Variants in ARHGEF28 observed in about 807,000 individuals in gnomAD.
ARHGEF28 encodes the protein 190 kDa guanine nucleotide exchange factor.
Under a neutral mutation model 206.6 loss-of-function variants are expected in ARHGEF28, and 152 were observed. The ratio of observed to expected loss-of-function variants is 0.74; its 90% confidence interval spans 0.64 to 0.84. ARHGEF28 has a LOEUF of 0.84. ARHGEF28 is among the 40% of genes least tolerant of loss of function. ARHGEF28 has a pLI of 0.00. For synonymous variants in ARHGEF28, 763 were observed against 776.4 expected (o/e 0.98, Z 0.29); for missense variants, 2,028 against 2,073.2 (o/e 0.98, Z 0.42).
At chr5:73,819,187 T>C (rs1279585793) in intron 9 of ARHGEF28, among the ~76,000 whole-genome samples, 3 of 152,240 alleles carry the variant, frequency 2.0e-5, no homozygotes, top group African/African-American at 7.2e-5. Context: ...TTGTGGCCTG[T>C]TGATTCATGG....
Position 73,940,844 on chromosome 5 carries a change from A to T in ARHGEF28, c.4949A>T (p.Asp1650Val). The T allele has an allele frequency of 6.7e-7, 1 of 1,489,370 alleles. No homozygotes were observed. 92.3% of individuals were successfully genotyped at this position (1,489,370 alleles called of 1,614,324 possible). ...HESSKDSCKN[D>V]LDTSHTESPT... ...AACCTGTGCTGTCTGTTTCTTGCAG[A>T]TTTGGACACCTCCCACACTGAGTCC... Residue 1650 changes from aspartate (D) to valine (V), a missense_variant and splice_region_variant, in exon 36 of 36, where the codon GAT becomes GTT. Physicochemically the swap from Asp to Val is radical, Grantham distance 152. Coordinates refer to ENST00000513042, the MANE Select transcript of ARHGEF28 (RefSeq NM_001177693.2).
In ARHGEF28 at chr5:73,753,078, C is replaced by G; in HGVS notation, c.351C>G (p.Thr117=). 1 of 1,608,920 alleles carries G rather than the reference C, an allele frequency of 6.2e-7. No homozygotes were observed. Among genetic ancestry groups the G allele is most frequent in the South Asian group, 1.1e-5 (1 of 89,902 alleles). The change falls in exon 4 of 36, where the codon ACC becomes ACG. Residue 117 remains threonine, a synonymous_variant. Transcript: ENST00000513042. The stretch of plus-strand genomic sequence containing the variant: ...GCCTCACAGCCTGCAGCCACCAGAC[C>G]CTGCTGACCCCATTTGCCTTGACGG... ...ANRLTACSHQ[T]LLTPFALTAG...
At chr5:73,873,370 T>G in intron 22 of ARHGEF28, 124 bp downstream of exon 22, 2 of 1,282,414 alleles carry the variant, frequency 1.6e-6, no homozygotes, top group South Asian at 3.2e-5. Context: ...ATTCTGAGGA[T>G]GTGTTTACCA....
At chr5:73,673,252 A>G (rs1746459648) in intron 1 of ARHGEF28, among the ~76,000 whole-genome samples, 1 of 152,212 alleles carries the variant, frequency 6.6e-6, no homozygotes. Flanking sequence ...CAGTTAGTAT[A>G]ACAGTTGTGA....
chr5:73,742,550 C>T lies in ARHGEF28; in HGVS notation c.34-7287C>T, dbSNP rs1049576056. Among the ~76,000 whole-genome samples the T allele has an allele frequency of 4.0e-5, 6 of 151,626 alleles. 1 individual carries two copies. The highest frequency in any genetic ancestry group is 8.8e-5 in the Non-Finnish European group (6 of 67,948). ...ATGATAAAAGTACTTTCAGGCCGGGCGCAGTGGCTCACGCCTGTAATCCCA... is the reference window on the plus strand; with the variant it reads ...ATGATAAAAGTACTTTCAGGCCGGGTGCAGTGGCTCACGCCTGTAATCCCA... On this transcript the variant is annotated intron_variant, in intron 2 of 35. Coordinates refer to ENST00000513042, the MANE Select transcript of ARHGEF28 (RefSeq NM_001177693.2).
intron 1 of ARHGEF28, among the ~76,000 whole-genome samples, chr5:73,662,813 T>G (rs181487787): frequency 1.3e-5 from 2 of 152,308 alleles, no homozygotes; most frequent in Admixed American, 6.5e-5. Flanking sequence ...TGGTATGACT[T>G]TCCTAGAATG....
rs1458059467 is a variant in ARHGEF28 at position 73,857,651 on chromosome 5, T to A, written c.1791-5T>A. The A allele has an allele frequency of 1.9e-6, 3 of 1,562,754 alleles. No individual in the cohort carries two copies. In the African/African-American group the frequency reaches 4.1e-5, roughly 21 times the overall value. On this transcript the variant is annotated splice_polypyrimidine_tract_variant and splice_region_variant and intron_variant, in intron 14 of 35. Coordinates refer to ENST00000513042, the MANE Select transcript of ARHGEF28 (RefSeq NM_001177693.2). ...GAGCCATGATAACAGATTCTGTTTT[T>A]GTAGAATTCAGGAAGAAGAATGGGA...
At chr5:73,916,462 G>A (rs1391704775) in intron 35 of ARHGEF28, among the ~76,000 whole-genome samples, 1 of 152,182 alleles carries the variant, frequency 6.6e-6, no homozygotes, top group African/African-American at 2.4e-5. Flanking sequence ...TAGAATTAGG[G>A]ATCAAGGTGT....
intron 6 of ARHGEF28, among the ~76,000 whole-genome samples, chr5:73,779,270 G>A (rs976359506): frequency 2.1e-4 from 32 of 152,262 alleles, no homozygotes; most frequent in African/African-American, 6.7e-4. Flanking sequence ...AGGCAAACTC[G>A]TAGCCGTATC....
chr5:73,794,269 A>G (rs1754658798), intron 7 of ARHGEF28, 133 bp from the exon 8 acceptor site: 3 of 646,734 alleles, frequency 4.6e-6, no homozygotes, highest in South Asian at 4.4e-5. Context: ...CTGATTTTTA[A>G]GAGGCCTAAT....
chr5:73,788,502 T>A (rs1399266493), intron 7 of ARHGEF28, among the ~76,000 whole-genome samples: 1 of 152,188 alleles, frequency 6.6e-6, no homozygotes, highest in African/African-American at 2.4e-5. Flanking sequence ...ATATTTTGTA[T>A]GTTACATGTA....
At chr5:73,823,874 C>T (rs1756740546) in intron 9 of ARHGEF28, among the ~76,000 whole-genome samples, 1 of 152,152 alleles carries the variant, frequency 6.6e-6, no homozygotes, top group Non-Finnish European at 1.5e-5. Flanking sequence ...TTAAATAGCA[C>T]TGCAGTTTCC....
intron 2 of ARHGEF28, among the ~76,000 whole-genome samples, chr5:73,702,991 A>G (rs922887358): frequency 6.6e-6 from 1 of 152,236 alleles, no homozygotes; most frequent in African/African-American, 2.4e-5. Context: ...AGCAAAGAAT[A>G]TCTAAATCTG....
intron 7 of ARHGEF28, among the ~76,000 whole-genome samples, chr5:73,784,886 G>A (rs1321436892): frequency 6.6e-6 from 1 of 152,102 alleles, no homozygotes; most frequent in African/African-American, 2.4e-5. Flanking sequence ...AGTAAAATAA[G>A]GTTACTTGGA....
At chr5:73,640,469 A>G (rs1005546784) in intron 1 of ARHGEF28, among the ~76,000 whole-genome samples, 1 of 152,208 alleles carries the variant, frequency 6.6e-6, no homozygotes, top group Admixed American at 6.5e-5. Context: ...GCAAATGATC[A>G]TATACTCTGT....
chr5:73,909,252 A>C, intron 33 of ARHGEF28, 160 bp from the exon 34 acceptor site: 1 of 1,094,034 alleles, frequency 9.1e-7, no homozygotes. Context: ...CTGGAACGCC[A>C]AAAACCTTGC....
At chr5:73,769,888 CCA>C (rs1753125272) in intron 4 of ARHGEF28, among the ~76,000 whole-genome samples, 2 of 152,086 alleles carry the variant, frequency 1.3e-5, no homozygotes, top group South Asian at 4.1e-4. Context: ...CAGATATTTC[CCA>C]TATATTCCCT....
chr5:73,836,205 AT>A (rs1212111255), intron 10 of ARHGEF28, among the ~76,000 whole-genome samples: 1 of 151,498 alleles, frequency 6.6e-6, no homozygotes, highest in Admixed American at 6.6e-5. Context: ...TGTATTTTAA[AT>A]TTTTTTAGGA....
intron 1 of ARHGEF28, among the ~76,000 whole-genome samples, chr5:73,633,311 T>C (rs1426583710): frequency 6.6e-6 from 1 of 152,098 alleles, no homozygotes; most frequent in Non-Finnish European, 1.5e-5. Context: ...ACCTCTGGTG[T>C]AGAGCACAGA....
Sources: allele counts gnomAD v4.1 joint callset (sites outside exome capture counted in the v4.1 genomes callset), GRCh38; gene constraint gnomAD v4.1.1; transcripts MANE v1.5; gene names NCBI Gene and HGNC (gene_info 2026-07-23, HGNC 2026-07-21).